LIMCH1: variants seen among roughly 807,000 people sequenced by gnomAD.
LIMCH1 encodes the protein LIM and calponin homology domains-containing protein 1.
LIMCH1 carries 113 observed loss-of-function variants against 176.5 expected under a neutral mutation model. The observed-to-expected ratio is 0.64, with a 90% CI of 0.55 to 0.75. The LOEUF is 0.75. Ranked by LOEUF, LIMCH1 falls within the 30% of genes least tolerant of loss-of-function variation. LIMCH1 has a pLI of 0.00. For synonymous variants in LIMCH1, 619 were observed against 645.9 expected, an observed-to-expected ratio of 0.96 and a Z score of 0.63; for missense variants, 1,674 against 1,814.9, an observed-to-expected ratio of 0.92 and a Z score of 1.41.
At chr4:41,690,829 GTTTTA>G (rs1256123192) in intron 30 of LIMCH1, among the ~76,000 whole-genome samples, 1 of 152,142 alleles carries the variant, frequency 6.6e-6, no homozygotes, top group African/African-American at 2.4e-5. Flanking sequence ...AGTTTCCTAA[GTTTTA>G]TTTTATTTCT....
chr4:41,549,404 A>T (rs1327634330), intron 1 of LIMCH1, among the ~76,000 whole-genome samples: 1 of 152,184 alleles, frequency 6.6e-6, no homozygotes, highest in Non-Finnish European at 1.5e-5. Context: ...GCTCATGGGT[A>T]TGCACTCGGT....
At chr4:41,569,915 A>G (rs1255991575) in intron 1 of LIMCH1, among the ~76,000 whole-genome samples, 1 of 152,216 alleles carries the variant, frequency 6.6e-6, no homozygotes, top group Non-Finnish European at 1.5e-5. Flanking sequence ...TATTTAATCT[A>G]TTTTGCATTT....
At chr4:41,552,517 G>C (rs2080606738) in intron 1 of LIMCH1, among the ~76,000 whole-genome samples, 2 of 152,128 alleles carry the variant, frequency 1.3e-5, no homozygotes, top group Admixed American at 6.5e-5. Context: ...ACAGGCTCTT[G>C]TTCTCTTGGA....
At chr4:41,391,439 T>C (rs2057230473) in intron 1 of LIMCH1, among the ~76,000 whole-genome samples, 1 of 152,230 alleles carries the variant, frequency 6.6e-6, no homozygotes, top group African/African-American at 2.4e-5. Context: ...AAACATTGTG[T>C]GTAGTTAAAA....
chr4:41,378,533 A>G (rs2055129861), intron 1 of LIMCH1, among the ~76,000 whole-genome samples: 1 of 152,192 alleles, frequency 6.6e-6, no homozygotes, highest in African/African-American at 2.4e-5. Context: ...TCTGTAAGCA[A>G]TGGGGTATGA....
chr4:41,410,704 T>G (rs1429631174), intron 1 of LIMCH1, among the ~76,000 whole-genome samples: 1 of 152,198 alleles, frequency 6.6e-6, no homozygotes, highest in Non-Finnish European at 1.5e-5. Flanking sequence ...TGAGAGGTAT[T>G]TCGGTCCCAG....
chr4:41,493,052 T>C (rs1359662451), intron 1 of LIMCH1, among the ~76,000 whole-genome samples: 1 of 152,174 alleles, frequency 6.6e-6, no homozygotes, highest in Non-Finnish European at 1.5e-5. Flanking sequence ...TATTTTATTC[T>C]TTTATTTAAC....
intron 4 of LIMCH1, chr4:41,612,522 T>C (rs549393333): frequency 1.3e-5 from 9 of 702,172 alleles, no homozygotes; most frequent in Non-Finnish European, 2.3e-5. Flanking sequence ...GTGACCAGAG[T>C]TATTTTTGTT....
chr4:41,642,569 AT>A (rs1585221662), intron 14 of LIMCH1, among the ~76,000 whole-genome samples: 1 of 150,662 alleles, frequency 6.6e-6, no homozygotes, highest in East Asian at 2.0e-4. Context: ...ATTTTATTTT[AT>A]TTTTTTGAGA....
rs1268548137 is a variant in LIMCH1, at chr4:41,626,965, A to G, written c.983A>G (p.Gln328Arg). The G allele has an allele frequency of 2.0e-6, 3 of 1,535,876 alleles. No individual in the cohort carries two copies. Among genetic ancestry groups the G allele is most frequent in the Non-Finnish European group, 2.6e-6 (3 of 1,146,880 alleles). ...KGAEKSDGSK[Q>R]LSKGISKKRS... ...GCAGAGAAATCAGATGGCAGCAAAC[A>G]GCTCTCAAAGGGAATCTCAAAAAAA... The change falls in exon 8 of 32, where the codon CAG becomes CGG. Residue 328 changes from glutamine (Q) to arginine (R), a missense_variant. By Grantham distance (43) the Gln-to-Arg change is conservative. Transcript: ENST00000503057.
intron 1 of LIMCH1, among the ~76,000 whole-genome samples, chr4:41,380,023 C>T (rs1441981333): frequency 6.6e-6 from 1 of 152,176 alleles, no homozygotes; most frequent in African/African-American, 2.4e-5. Flanking sequence ...GTCTCAAACT[C>T]CCTGACGTTA....
intron 1 of LIMCH1, among the ~76,000 whole-genome samples, chr4:41,460,478 A>ATATATATATATATATATATATATATG (rs1410622782): frequency 6.9e-6 from 1 of 145,080 alleles, no homozygotes; most frequent in African/African-American, 2.6e-5. Context: ...ATATATATAT[A>ATATATATATATATATATATATATATG]TCTTATAATA....
Position 41,632,869 on chromosome 4 carries a change from T to G in LIMCH1, c.1720+2T>G. 1 of 1,535,052 alleles carries G rather than the reference T, an allele frequency of 6.5e-7. No individual in the cohort carries two copies. Among genetic ancestry groups the G allele is most frequent in the Non-Finnish European group, 8.7e-7 (1 of 1,146,020 alleles). ...AGTGCCCGAGGGGGACAGAGGAAGG[T>G]GAGGAGCAGTGTTTCCTGCCTTCCC... On this transcript the variant is annotated splice_donor_variant, in intron 11 of 31. Transcript: ENST00000503057. LOFTEE classifies it high-confidence loss of function.
At chr4:41,669,779 G>T (rs977429076) in intron 21 of LIMCH1, among the ~76,000 whole-genome samples, 2 of 152,132 alleles carry the variant, frequency 1.3e-5, no homozygotes, top group African/African-American at 4.8e-5. Context: ...AATGGGGGAG[G>T]CATAGGTCTC....
chr4:41,671,043 A>G, intron 21 of LIMCH1: 1 of 886,574 alleles, frequency 1.1e-6, no homozygotes, highest in Non-Finnish European at 1.3e-6. Context: ...CATTTTCTTG[A>G]GAGTCCCCTG....
intron 25 of LIMCH1, among the ~76,000 whole-genome samples, chr4:41,682,076 G>A (rs1716462516): frequency 6.6e-6 from 1 of 152,170 alleles, no homozygotes; most frequent in Non-Finnish European, 1.5e-5. Flanking sequence ...CCTGAAATGA[G>A]CGGTCCTATG....
At chr4:41,538,472 T>A in intron 1 of LIMCH1, 122 bp downstream of exon 1, 1 of 390,284 alleles carries the variant, frequency 2.6e-6, no homozygotes, top group Non-Finnish European at 3.5e-6. Context: ...CTTATTAGTA[T>A]GGCGAAAATA....
At chr4:41,578,471 A>G (rs942189237) in intron 1 of LIMCH1, among the ~76,000 whole-genome samples, 2 of 152,178 alleles carry the variant, frequency 1.3e-5, no homozygotes, top group African/African-American at 4.8e-5. Flanking sequence ...TCACTCTTCT[A>G]AAATATAGTA....
At chr4:41,471,438 T>C (rs1220929365) in intron 1 of LIMCH1, among the ~76,000 whole-genome samples, 3 of 152,206 alleles carry the variant, frequency 2.0e-5, no homozygotes, top group Non-Finnish European at 4.4e-5. Flanking sequence ...TTCTTAGTAA[T>C]AGGATCTCTG....
Sources: allele counts gnomAD v4.1 joint callset (sites outside exome capture counted in the v4.1 genomes callset), GRCh38; gene constraint gnomAD v4.1.1; transcripts MANE v1.5; gene names NCBI Gene and HGNC (gene_info 2026-07-23, HGNC 2026-07-21).